BLTP1: variants seen among roughly 807,000 people sequenced by gnomAD.
BLTP1 encodes the protein bridge-like lipid transfer protein family member 1.
chr4:122,157,139 C>T, the BLTP1 span, among the ~76,000 whole-genome samples: 1 of 152,254 alleles, frequency 6.6e-6, no homozygotes, highest in African/African-American at 2.4e-5. Flanking sequence ...AGATCTCTTG[C>T]AAAATTACCC....
chr4:122,229,976 G>T, the BLTP1 span: 1 of 1,613,964 alleles, frequency 6.2e-7, no homozygotes, highest in Non-Finnish European at 8.5e-7. Flanking sequence ...CAATCAATCG[G>T]TTGGGGAAGG....
the BLTP1 span, chr4:122,264,066 AT>A: frequency 1.1e-6 from 1 of 897,040 alleles, no homozygotes; most frequent in Non-Finnish European, 1.3e-6. Flanking sequence ...AGTTAATTTC[AT>A]TTTTCACTAA....
chr4:122,193,370 T>C, the BLTP1 span: 1 of 152,328 alleles, frequency 6.6e-6, no homozygotes, highest in African/African-American at 2.4e-5. Context: ...TGAAAGATAA[T>C]TGAGAGTTAG....
chr4:122,177,607 T>G, the BLTP1 span, among the ~76,000 whole-genome samples: 1 of 152,186 alleles, frequency 6.6e-6, no homozygotes, highest in Non-Finnish European at 1.5e-5. Flanking sequence ...ATAAAATTCC[T>G]TCTACCTCCT....
chr4:122,172,239 G>C, the BLTP1 span: 1 of 623,290 alleles, frequency 1.6e-6, no homozygotes, highest in South Asian at 7.3e-5. Context: ...GACTTAATAT[G>C]ATGTTACTAA....
chr4:122,328,360 G>T, the BLTP1 span: 1 of 1,602,284 alleles, frequency 6.2e-7, no homozygotes, highest in Non-Finnish European at 8.5e-7. Context: ...AAACCCTCGT[G>T]AGTAACCTTA....
At chr4:122,329,058 C>A in the BLTP1 span, among the ~76,000 whole-genome samples, 1 of 151,724 alleles carries the variant, frequency 6.6e-6, no homozygotes, top group Non-Finnish European at 1.5e-5. Flanking sequence ...TCCTCCCTTT[C>A]CTAGACTGAA....
chr4:122,304,952 A>G, the BLTP1 span: 3 of 1,613,894 alleles, frequency 1.9e-6, no homozygotes, highest in Non-Finnish European at 2.5e-6. Context: ...GTGGATTTAA[A>G]TCTGGCATTA....
the BLTP1 span, chr4:122,243,882 C>T: frequency 6.3e-7 from 1 of 1,597,616 alleles, no homozygotes; most frequent in Non-Finnish European, 8.5e-7. Flanking sequence ...GGAAAAAAAA[C>T]TCGCTGATAA....
At chr4:122,297,158 A>G in the BLTP1 span, among the ~76,000 whole-genome samples, 15,946 of 152,240 alleles carry the variant, frequency 0.1, 1,120 homozygotes, top group Non-Finnish European at 0.16. Context: ...ATTTTTTTAA[A>G]TCTACCCATC....
chr4:122,243,088 T>C, the BLTP1 span: 10 of 1,608,380 alleles, frequency 6.2e-6, no homozygotes, highest in African/African-American at 1.2e-4. Flanking sequence ...AATATCATGC[T>C]TTTAAAGTGT....
At chr4:122,318,737 G>A in the BLTP1 span, among the ~76,000 whole-genome samples, 4 of 152,174 alleles carry the variant, frequency 2.6e-5, no homozygotes, top group African/African-American at 7.2e-5. Flanking sequence ...AGGTTTAGTC[G>A]GTCCCATTAG....
At chr4:122,220,616 T>G in the BLTP1 span, 9 of 642,236 alleles carry the variant, frequency 1.4e-5, no homozygotes, top group East Asian at 2.9e-4. Flanking sequence ...AAGTTTTGTA[T>G]GTATGTTTAT....
the BLTP1 span, chr4:122,254,880 T>G: frequency 6.2e-7 from 1 of 1,613,958 alleles, no homozygotes; most frequent in Non-Finnish European, 8.5e-7. Context: ...TCAAGTCATC[T>G]TTAAACAAAT....
the BLTP1 span, chr4:122,313,630 G>A: frequency 4.4e-6 from 7 of 1,586,646 alleles, no homozygotes; most frequent in East Asian, 1.2e-4. Flanking sequence ...TTGTACAGGT[G>A]TAGTTCCAGA....
At chr4:122,276,478 T>C in the BLTP1 span, 1 of 982,176 alleles carries the variant, frequency 1.0e-6, no homozygotes, top group Non-Finnish European at 1.2e-6. Flanking sequence ...ACTCTGTTAA[T>C]AGATTTTCAT....
the BLTP1 span, among the ~76,000 whole-genome samples, chr4:122,308,619 A>G: frequency 6.6e-6 from 1 of 152,108 alleles, no homozygotes; most frequent in Non-Finnish European, 1.5e-5. Context: ...TGAAACTTCA[A>G]AGCAGTGTGC....
At chr4:122,344,824 CT>C in the BLTP1 span, 1 of 985,150 alleles carries the variant, frequency 1.0e-6, no homozygotes, top group Non-Finnish European at 1.2e-6. Flanking sequence ...CTTTTCTTCA[CT>C]TTTTCTCCAC....
At chr4:122,336,208 T>A in the BLTP1 span, 2 of 1,602,600 alleles carry the variant, frequency 1.2e-6, no homozygotes, top group Non-Finnish European at 1.7e-6. Flanking sequence ...GAAAAGGAAG[T>A]GGAGGAGTAA....
Sources: gnomAD v4.1 joint callset for allele counts (sites outside exome capture counted in the v4.1 genomes callset) on GRCh38, gnomAD v4.1.1 for gene constraint, MANE v1.5 for transcripts, NCBI Gene and HGNC (gene_info 2026-07-23, HGNC 2026-07-21) for gene names.